RADIL: variants seen among roughly 807,000 people sequenced by gnomAD.
RADIL encodes the protein Rap associating with DIL domain.
In RADIL, 99 loss-of-function variants were observed where a neutral mutation model predicts 97.6. The ratio of observed to expected loss-of-function variants is 1.01; its 90% CI spans 0.86 to 1.20. The LOEUF (loss-of-function observed/expected upper bound fraction) is 1.20. RADIL is among the 50% of genes most tolerant of loss of function. The pLI is 0.00. For synonymous variants in RADIL, 803 were observed against 691.8 expected, an observed-to-expected ratio of 1.16 and a Z score of -2.52; for missense variants, 1,765 against 1,498.9, an observed-to-expected ratio of 1.18 and a Z score of -2.93.
In RADIL at chr7:4,834,829, G is replaced by A. The variant is rs1476388176; in HGVS notation, c.1194C>T (p.Ala398=). Residue 398 remains alanine (A), a synonymous_variant, in exon 4 of 15, where the codon GCC becomes GCT. Transcript: ENST00000399583. This position sits in a 1 kb window ranked among gnomAD's most constrained non-coding sequence, Gnocchi z 6.0. ...GGAGCAGCTGCTGGCGCCGGGGCAG[G>A]GCGGCCTGAGTAGGGGAGGCGGCTC... is the stretch of plus-strand genomic sequence containing the variant. ...ARGAASPTQA[A]LPRRQQLLLE... The A allele has an allele frequency of 7.6e-6, 10 of 1,317,048 alleles. No individual in the cohort carries two copies. The highest frequency in any genetic ancestry group is 9.7e-6 in the Non-Finnish European group (10 of 1,030,684). 81.6% of individuals were successfully genotyped at this position (1,317,048 alleles called of 1,614,324 possible). A position where few individuals can be genotyped will look rare whatever the true frequency, so the allele number is the denominator to read the frequency against.
chr7:4,869,887 T>C (rs1415273680), intron 2 of RADIL, among the ~76,000 whole-genome samples: 2 of 152,090 alleles, frequency 1.3e-5, no homozygotes, highest in Non-Finnish European at 2.9e-5. Context: ...TCCCGGCACT[T>C]TGGGAGGCCA....
chr7:4,870,415 A>G (rs1446163087), intron 2 of RADIL, among the ~76,000 whole-genome samples: 2 of 152,196 alleles, frequency 1.3e-5, no homozygotes, highest in African/African-American at 4.8e-5. Flanking sequence ...TTGGGAACCA[A>G]CAGATATTAA....
rs1008956426 is a variant in RADIL at position 4,822,402 on chromosome 7, T to G, written c.1607A>C (p.Asp536Ala). The change falls in exon 6 of 15, where the codon GAC becomes GCC. Residue 536 changes from aspartate (D) to alanine (A), a missense_variant. Transcript: ENST00000399583. This position sits in a 1 kb window ranked among gnomAD's most constrained non-coding sequence, Gnocchi z 5.3. ...GGCAGCGCCAGCCGTACCTGTGATG[T>G]CCAGCTGCTCCTCCATGCTCTGCAT... ...LYMQSMEEQL[D>A]ITGSKESLFS... 5.0e-6 allele frequency: 8 copies of G among 1,610,874 alleles called. No individual in the cohort carries two copies. The African/African-American group carries it at 6.7e-5, about 13-fold the overall frequency.
rs1782860541 is a variant in RADIL at position 4,822,477 on chromosome 7, G to C, written c.1532C>G (p.Ser511Cys). 1.2e-6 allele frequency: 2 copies of C among 1,612,934 alleles called. No individual in the cohort carries two copies. The highest frequency in any genetic ancestry group is 1.3e-5 in the African/African-American group (1 of 74,938). The change falls in exon 6 of 15, where the codon TCT (serine) becomes TGT (cysteine). Residue 511 changes from serine (S) to cysteine (C), a missense_variant. Ser to Cys is a moderately radical substitution (Grantham distance 112). Transcript: ENST00000399583. The surrounding 1 kb of genome is among the most constrained non-coding windows in gnomAD (Gnocchi z 5.3). ...AAAGTACAGGAGCTCGATGGAGTTA[G>C]ACATCCAGAAAAGAATGGGCTGCAA... The part of the protein sequence containing the change: ...PDLQPILFWM[S>C]NSIELLYFIQ...
chr7:4,816,834 G>A (rs186803770), intron 7 of RADIL, among the ~76,000 whole-genome samples: 98 of 152,272 alleles, frequency 6.4e-4, no homozygotes, highest in African/African-American at 2.1e-3. Context: ...CCGCACCCCC[G>A]ATGCACCCCA....
intron 9 of RADIL, among the ~76,000 whole-genome samples, chr7:4,810,323 TA>T (rs200933659): frequency 1.3e-5 from 2 of 151,652 alleles, no homozygotes; most frequent in Non-Finnish European, 2.9e-5. Flanking sequence ...CTGGCTAATT[TA>T]AAAAAAAATT....
At chr7:4,847,695 C>T (rs1275128617) in intron 2 of RADIL, among the ~76,000 whole-genome samples, 1 of 107,884 alleles carries the variant, frequency 9.3e-6, no homozygotes, top group African/African-American at 3.6e-5. Flanking sequence ...CCTCTTACAA[C>T]ATGGATGAGC....
intron 11 of RADIL, among the ~76,000 whole-genome samples, chr7:4,803,265 G>T (rs1263883580): frequency 8.7e-6 from 1 of 114,908 alleles, no homozygotes; most frequent in Admixed American, 8.1e-5. Flanking sequence ...TGGCTGGGGG[G>T]CCCCCTCCCC....
At chr7:4,801,216 C>T (rs1352349645) in intron 12 of RADIL, among the ~76,000 whole-genome samples, 1 of 152,176 alleles carries the variant, frequency 6.6e-6, no homozygotes, top group Non-Finnish European at 1.5e-5. Context: ...ACCAGCACAC[C>T]CATGCACCTG....
At chr7:4,852,416 T>A (rs1783731082) in intron 2 of RADIL, among the ~76,000 whole-genome samples, 1 of 152,156 alleles carries the variant, frequency 6.6e-6, no homozygotes, top group African/African-American at 2.4e-5. Flanking sequence ...GCCAGGCCAG[T>A]GGCACCTTTT....
chr7:4,804,701 C>T (rs556649330), intron 10 of RADIL, among the ~76,000 whole-genome samples: 3 of 152,210 alleles, frequency 2.0e-5, no homozygotes, highest in Non-Finnish European at 2.9e-5. Flanking sequence ...GCAGGAGAAT[C>T]GCTTGAACCC....
chr7:4,815,193 C>A lies in RADIL; in HGVS notation c.2139+85G>T. On this transcript the variant is annotated intron_variant, in intron 9 of 14. Transcript: ENST00000399583. The surrounding 1 kb of genome is among the most constrained non-coding windows in gnomAD (Gnocchi z 8.0). ...TCCAGCCAAGAAGCCCCGTCCCGGC[C>A]CCCAGGCTTGGTTTGTGAGCCAGGG... 2.1e-6 allele frequency: 3 copies of A among 1,418,562 alleles called. No homozygotes were observed. 87.9% of individuals were successfully genotyped at this position (1,418,562 alleles called of 1,614,324 possible). A position where few individuals can be genotyped will look rare whatever the true frequency, so the allele number is the denominator to read the frequency against.
At chr7:4,859,731 T>C (rs1783925935) in intron 2 of RADIL, 1 of 599,482 alleles carries the variant, frequency 1.7e-6, no homozygotes, top group African/African-American at 1.9e-5. Context: ...AGAACAGGGA[T>C]ACCGGAAAGA....
In RADIL at chr7:4,799,704, G is replaced by A. The variant is rs745466321; in HGVS notation, c.3048C>T (p.Ala1016=). 1.0e-5 allele frequency: 16 copies of A among 1,573,246 alleles called. No individual in the cohort carries two copies. Among genetic ancestry groups the A allele is most frequent in the East Asian group, 4.7e-5 (2 of 42,918 alleles). ...GGTCCCCCAGCGACAGGCGCCCGTC[G>A]GCCGCTGCGGGGCTGCCCGGGAGCA... ...QTLLPGSPAA[A]DGRLSLGDRI... is the part of the protein sequence containing the mutation. Residue 1016 remains alanine, a synonymous_variant, in exon 14 of 15, where the codon GCC becomes GCT. Transcript: ENST00000399583.
chr7:4,859,177 C>T (rs919124418), intron 2 of RADIL: 3 of 152,450 alleles, frequency 2.0e-5, no homozygotes, highest in East Asian at 1.9e-4. Context: ...TACAGTACAC[C>T]GCTGCACAAT....
chr7:4,861,194 C>T (rs369120981), intron 2 of RADIL: 191 of 1,614,068 alleles, frequency 1.2e-4, no homozygotes, highest in Non-Finnish European at 1.6e-4. Context: ...ATCGGTTACC[C>T]GGCAACCATT....
intron 2 of RADIL, among the ~76,000 whole-genome samples, chr7:4,853,094 G>A (rs547662298): frequency 1.3e-5 from 2 of 152,262 alleles, no homozygotes; most frequent in South Asian, 4.1e-4. Context: ...CCTTGAGATG[G>A]GGTGAGTGTA....
In RADIL at chr7:4,872,154, G is replaced by A. The variant is rs1219782352; in HGVS notation, c.535+5451C>T. 6.6e-6 allele frequency among the ~76,000 whole-genome samples: 1 copy of A among 152,158 alleles called. No homozygotes were observed. ...ATATGGTCCCAGTGGGCAGGGGCTCGTGTGGCCGAGTCCAGGCAGCCAGGT... is the reference window on the plus strand; with the variant it reads ...ATATGGTCCCAGTGGGCAGGGGCTCATGTGGCCGAGTCCAGGCAGCCAGGT... On this transcript the variant is annotated intron_variant, in intron 2 of 14. Coordinates refer to ENST00000399583, the MANE Select transcript of RADIL (RefSeq NM_018059.5). This position sits in a 1 kb window ranked among gnomAD's most constrained non-coding sequence, Gnocchi z 5.8.
chr7:4,871,445 C>T (rs1488417547), intron 2 of RADIL, among the ~76,000 whole-genome samples: 1 of 152,234 alleles, frequency 6.6e-6, no homozygotes, highest in Admixed American at 6.5e-5. Flanking sequence ...TGGCTGTCAT[C>T]GGGGAGGCCG....
Sources: allele counts gnomAD v4.1 joint callset (sites outside exome capture counted in the v4.1 genomes callset), GRCh38; gene constraint gnomAD v4.1.1; non-coding constraint Gnocchi (gnomAD v3.1); transcripts MANE v1.5; gene names NCBI Gene and HGNC (gene_info 2026-07-23, HGNC 2026-07-21).